Variants in IPO11 observed in about 807,000 individuals in gnomAD.
IPO11 encodes importin 11.
A neutral mutation model predicts 143.2 loss-of-function variants in IPO11; 66 were observed. That is an observed-to-expected ratio of 0.46 (90% confidence interval 0.38 to 0.57). The LOEUF is 0.57. Among genes scored for constraint, IPO11 ranks in the 20% least tolerant of loss-of-function variants. The pLI is 0.00. For synonymous variants in IPO11, 385 were observed against 377.8 expected, an observed-to-expected ratio of 1.02 and a Z score of -0.22; for missense variants, 1,026 against 1,141.0, an observed-to-expected ratio of 0.90 and a Z score of 1.45.
intron 22 of IPO11, among the ~76,000 whole-genome samples, chr5:62,535,237 T>A (rs1742696456): frequency 6.6e-6 from 1 of 151,948 alleles, no homozygotes; most frequent in African/African-American, 2.4e-5. Flanking sequence ...GGTTTTTTTT[T>A]AAACATTGAT....
rs534819563 is a variant in IPO11 at position 62,432,523 on chromosome 5, G to A, written c.-6-4751G>A. ...AGAGCTTCCTCACATTGTGGGGTAG[G>A]GCTGGGTTTGTGGCTCAAAAGCCAC... is the stretch of plus-strand genomic sequence containing the variant. On this transcript the variant is annotated intron_variant, in intron 1 of 29. Coordinates refer to ENST00000325324, the MANE Select transcript of IPO11 (RefSeq NM_016338.5). Among the ~76,000 whole-genome samples the A allele has an allele frequency of 3.9e-5, 6 of 152,320 alleles. No homozygotes were observed. The South Asian group carries it at 1.2e-3, about 32-fold the overall frequency.
rs1741486016 is a variant in IPO11 at position 62,504,753 on chromosome 5, T to C, written c.1624+53T>C. ...TCATTGCAAAGAACTTTAACACTTT[T>C]AATTATTATTTATTTTGTGAAATTA... is the stretch of plus-strand genomic sequence containing the variant. On this transcript the variant is annotated intron_variant, in intron 17 of 29. Coordinates refer to ENST00000325324, the MANE Select transcript of IPO11 (RefSeq NM_016338.5). 9 of 1,363,606 alleles carry C rather than the reference T, an allele frequency of 6.6e-6. No homozygotes were observed. In the Admixed American group the frequency reaches 2.1e-4, roughly 31 times the overall value. The allele number at this position is 1,363,606 out of a possible 1,614,324, so 84.5% of individuals were successfully genotyped here.
Position 62,494,724 on chromosome 5 carries a change from A to G in IPO11, c.1590+600A>G, listed in dbSNP as rs561549935. 6.6e-5 allele frequency among the ~76,000 whole-genome samples: 10 copies of G among 152,250 alleles called. No individual in the cohort carries two copies. The South Asian group carries it at 1.9e-3, about 28-fold the overall frequency. On this transcript the variant is annotated intron_variant, in intron 16 of 29. Transcript: ENST00000325324. ...ATTTTAAGAAGTTTAAATTGTAAAG[A>G]ATAGTTTTCTTTCTTTTTTCCTACT...
intron 2 of IPO11, among the ~76,000 whole-genome samples, chr5:62,438,913 G>A (rs113895729): frequency 0.092 from 13,933 of 151,968 alleles, 642 homozygotes; most frequent in South Asian, 0.15. Context: ...CAAAAAATTA[G>A]CCAGGCATGG....
intron 5 of IPO11, among the ~76,000 whole-genome samples, chr5:62,458,086 G>T (rs1007871925): frequency 2.7e-5 from 4 of 148,644 alleles, no homozygotes; most frequent in Non-Finnish European, 5.9e-5. Context: ...GGCGGAGCTT[G>T]CAGTGAGCTG....
intron 1 of IPO11, among the ~76,000 whole-genome samples, chr5:62,415,695 C>T (rs958021549): frequency 2.6e-5 from 4 of 150,950 alleles, no homozygotes; most frequent in South Asian, 2.1e-4. Context: ...CTCGAACTCT[C>T]GACCTCAGGT....
At chr5:62,591,945 G>C (rs1415078853) in intron 28 of IPO11, among the ~76,000 whole-genome samples, 1 of 152,178 alleles carries the variant, frequency 6.6e-6, no homozygotes, top group Non-Finnish European at 1.5e-5. Context: ...CGCCTCCCAG[G>C]TTCAAGTGAT....
chr5:62,463,084 C>T (rs978949276), intron 5 of IPO11, among the ~76,000 whole-genome samples: 2 of 152,024 alleles, frequency 1.3e-5, no homozygotes, highest in African/African-American at 4.8e-5. Context: ...CACTCTTGTC[C>T]TGGCTGGAGT....
At chr5:62,569,455 G>A (rs1262268544) in intron 27 of IPO11, among the ~76,000 whole-genome samples, 1 of 152,158 alleles carries the variant, frequency 6.6e-6, no homozygotes, top group Non-Finnish European at 1.5e-5. Flanking sequence ...ATTGGTCATT[G>A]GAGGGTTCTG....
intron 27 of IPO11, among the ~76,000 whole-genome samples, chr5:62,570,437 A>G (rs754232376): frequency 2.0e-5 from 3 of 152,174 alleles, no homozygotes; most frequent in Non-Finnish European, 2.9e-5. Flanking sequence ...CCCTTGAAAC[A>G]TACATTAGAA....
chr5:62,429,269 G>C, intron 1 of IPO11, among the ~76,000 whole-genome samples: 1 of 152,112 alleles, frequency 6.6e-6, no homozygotes, highest in Admixed American at 6.6e-5. Flanking sequence ...CATGCAGCTT[G>C]TGGTTTTATG....
At chr5:62,433,509 G>C (rs1338407425) in intron 1 of IPO11, among the ~76,000 whole-genome samples, 1 of 152,156 alleles carries the variant, frequency 6.6e-6, no homozygotes, top group East Asian at 1.9e-4. Context: ...AGCTTCCTCT[G>C]CCTCTCACCC....
intron 27 of IPO11, among the ~76,000 whole-genome samples, chr5:62,571,115 G>T (rs1022027766): frequency 6.6e-6 from 1 of 152,248 alleles, no homozygotes; most frequent in Admixed American, 6.5e-5. Context: ...GCATGTGTAT[G>T]TCACAAGTGG....
In IPO11 at chr5:62,580,153, C is replaced by G. The variant is rs1349557397; in HGVS notation, c.2583-11424C>G. The G allele has an allele frequency of 1.9e-6, 3 of 1,551,086 alleles. No homozygotes were observed. In the South Asian group the frequency reaches 3.6e-5, roughly 18 times the overall value. On this transcript the variant is annotated intron_variant, in intron 27 of 29. Transcript: ENST00000325324. ...TAGAAGACTTTCTTTGTCTCATAAT[C>G]CTATTGAAGCAATACAGCCCTTTGC...
chr5:62,444,774 C>G (rs185314371), intron 3 of IPO11, among the ~76,000 whole-genome samples: 28 of 152,026 alleles, frequency 1.8e-4, no homozygotes, highest in Admixed American at 6.6e-4. Context: ...GAGGGTGACA[C>G]AGGAGAATCA....
At chr5:62,531,085 A>G (rs1742527321) in intron 22 of IPO11, among the ~76,000 whole-genome samples, 1 of 152,086 alleles carries the variant, frequency 6.6e-6, no homozygotes, top group South Asian at 2.1e-4. Flanking sequence ...GTCCTTGAGT[A>G]CTCAATGTTT....
intron 26 of IPO11, among the ~76,000 whole-genome samples, chr5:62,552,082 C>G (rs1743407497): frequency 6.6e-6 from 1 of 151,988 alleles, no homozygotes; most frequent in Admixed American, 6.6e-5. Context: ...GGAGATCATG[C>G]CACTGCACTC....
intron 22 of IPO11, among the ~76,000 whole-genome samples, chr5:62,535,017 A>ATATTTATTTATTTATT (rs70981023): frequency 0.018 from 2,557 of 142,622 alleles, 49 homozygotes; most frequent in African/African-American, 0.036. Flanking sequence ...TATAATATTA[A>ATATTTATTTATTTATT]TATTTATTTA....
At chr5:62,437,099 A>G (rs189293252) in intron 1 of IPO11, among the ~76,000 whole-genome samples, 175 bp from the exon 2 acceptor site, 19 of 152,334 alleles carry the variant, frequency 1.2e-4, no homozygotes, top group Non-Finnish European at 2.6e-4. Flanking sequence ...TAATTTGATT[A>G]TGAATTTTAA....
Sources: allele counts gnomAD v4.1 joint callset (sites outside exome capture counted in the v4.1 genomes callset), GRCh38; gene constraint gnomAD v4.1.1; transcripts MANE v1.5; gene names NCBI Gene and HGNC (gene_info 2026-07-23, HGNC 2026-07-21).